Variants in ZFP82 observed in about 807,000 individuals in gnomAD.
ZFP82 encodes zinc finger protein 82 homolog.
A neutral mutation model predicts 54.0 loss-of-function variants in ZFP82; 30 were observed. The ratio of observed to expected loss-of-function variants is 0.56; its 90% CI spans 0.42 to 0.75. The LOEUF is 0.75. Among genes scored for constraint, ZFP82 ranks in the 30% least tolerant of loss-of-function variants. The pLI is 0.00. For synonymous variants in ZFP82, 194 were observed against 209.5 expected (o/e 0.93, Z 0.64); for missense variants, 500 against 636.8 (o/e 0.79, Z 2.31).
chr19:36,408,094 T>C (rs2032515755), intron 2 of ZFP82, 81 bp from the exon 3 acceptor site: 1 of 1,486,412 alleles, frequency 6.7e-7, no homozygotes, highest in Non-Finnish European at 9.2e-7. Context: ...GGAAGAGATA[T>C]TGCAGGAAGT....
chr19:36,403,460 A>G (rs2032427603), intron 4 of ZFP82, among the ~76,000 whole-genome samples: 1 of 151,562 alleles, frequency 6.6e-6, no homozygotes, highest in Non-Finnish European at 1.5e-5. Context: ...CTCTACAAAA[A>G]ATACAAAAAA....
chr19:36,392,883 G>A lies in ZFP82; in HGVS notation c.1457C>T (p.Ala486Val). The change falls in exon 5 of 5, where the codon GCC (alanine) becomes GTC (valine). Residue 486 changes from alanine (A) to valine (V), a missense_variant. Ala to Val is a moderately conservative substitution (Grantham distance 64, BLOSUM62 0). Coordinates refer to ENST00000392161, the MANE Select transcript of ZFP82 (RefSeq NM_133466.4). ...KPFECKECRK[A>V]FRLNSSLIQH... is the part of the protein sequence containing the mutation. ...AATAAGGGATGAATTAAGTCTAAAG[G>A]CCTTCCTACATTCCTTACACTCAAA... The A allele has an allele frequency of 6.2e-7, 1 of 1,613,918 alleles. No homozygotes were observed. The highest frequency in any genetic ancestry group is 8.5e-7 in the Non-Finnish European group (1 of 1,179,962).
chr19:36,396,887 A>T (rs192516396), intron 4 of ZFP82, among the ~76,000 whole-genome samples: 1 of 151,834 alleles, frequency 6.6e-6, no homozygotes, highest in East Asian at 1.9e-4. Flanking sequence ...AAACCTGCAT[A>T]TAAGTATCTA....
rs2032160765 is a variant in ZFP82, at chr19:36,389,596, T to C, written c.*3145A>G. On this transcript the variant is annotated 3_prime_UTR_variant, in exon 5 of 5. Transcript: ENST00000392161. ...TTAAGGACTCATACACATATACCCA[T>C]AATGCCATAGTCATGCCTAACATAT... Among the ~76,000 whole-genome samples, 7 of 152,326 alleles carry C rather than the reference T, an allele frequency of 4.6e-5. No individual in the cohort carries two copies. The South Asian group carries it at 1.4e-3, about 32-fold the overall frequency.
chr19:36,392,860 TA>T lies in ZFP82; in HGVS notation c.1479del (p.Ile494PhefsTer4). The T allele has an allele frequency of 6.2e-7, 1 of 1,613,916 alleles. No homozygotes were observed. Among genetic ancestry groups the T allele is most frequent in the African/African-American group, 1.3e-5 (1 of 75,054 alleles). On this transcript the variant is annotated frameshift_variant, in exon 5 of 5. Coordinates refer to ENST00000392161, the MANE Select transcript of ZFP82 (RefSeq NM_133466.4). LOFTEE classifies it high-confidence loss of function. Reference protein sequence around the residue: ...CRKAFRLNSSLIQHLRIHSGE... With the variant: ...CRKAFRLNSSXIQHLRIHSGE... ...CCAGAATGAATTCTCAGATGTTGAA[TA>T]AGGGATGAATTAAGTCTAAAGGCCT...
At chr19:36,415,196 G>A (rs1023356906) in intron 1 of ZFP82, among the ~76,000 whole-genome samples, 2 of 152,082 alleles carry the variant, frequency 1.3e-5, no homozygotes, top group African/African-American at 4.8e-5. Context: ...TTCTATTTTG[G>A]AAAACAAACA....
chr19:36,392,787 T>C lies in ZFP82; in HGVS notation c.1553A>G (p.His518Arg). 6.3e-7 allele frequency: 1 copy of C among 1,599,334 alleles called. No individual in the cohort carries two copies. Among genetic ancestry groups the C allele is most frequent in the Non-Finnish European group, 8.5e-7 (1 of 1,175,094 alleles). Residue 518 changes from histidine (H) to arginine (R), a missense_variant, in exon 5 of 5, where the codon CAT (histidine) becomes CGT (arginine). Coordinates refer to ENST00000392161, the MANE Select transcript of ZFP82 (RefSeq NM_133466.4). Reference protein sequence around the residue: ...CKECKKAFRQHSHLTHHLKIH... With the variant: ...CKECKKAFRQRSHLTHHLKIH... ...TTTCAGATGATGAGTAAGGTGTGAA[T>C]GTTGCCTAAAGGCCTTCTTACATTC...
intron 4 of ZFP82, among the ~76,000 whole-genome samples, chr19:36,397,283 G>A (rs1045112644): frequency 4.6e-5 from 7 of 151,750 alleles, no homozygotes; most frequent in African/African-American, 1.7e-4. Flanking sequence ...TACTAGAGAC[G>A]GGTTTCATCA....
At chr19:36,406,451 A>G (rs570942587) in intron 3 of ZFP82, among the ~76,000 whole-genome samples, 37 of 152,300 alleles carry the variant, frequency 2.4e-4, no homozygotes, top group Non-Finnish European at 3.4e-4. Context: ...TTTTGTCTCT[A>G]TAGATTTGCC....
intron 4 of ZFP82, among the ~76,000 whole-genome samples, chr19:36,401,598 C>A (rs1033816649): frequency 6.6e-6 from 1 of 152,222 alleles, no homozygotes; most frequent in Non-Finnish European, 1.5e-5. Flanking sequence ...AAACCACCAC[C>A]CTGTCTAACT....
At chr19:36,416,470 T>C (rs1230278032) in intron 1 of ZFP82, among the ~76,000 whole-genome samples, 1 of 152,168 alleles carries the variant, frequency 6.6e-6, no homozygotes, top group Non-Finnish European at 1.5e-5. Flanking sequence ...GAATTCCTGT[T>C]CTATGGCCGG....
At position 36,393,590 on chromosome 19, in the gene ZFP82, A is replaced by G; in HGVS notation, c.750T>C (p.Gly250=). Residue 250 remains glycine, a synonymous_variant, in exon 5 of 5, where the codon GGT becomes GGC. Transcript: ENST00000392161. ...ATTCTTTACATTCATAGGGCTTCTC[A>G]CCAATATGCATTTTCTGATGTACTC... The part of the protein sequence containing the change: ...DLRVHQKMHI[G]EKPYECKECG... 1.2e-6 allele frequency: 2 copies of G among 1,614,108 alleles called. No individual in the cohort carries two copies. The highest frequency in any genetic ancestry group is 8.5e-7 in the Non-Finnish European group (1 of 1,180,020).
exon 2 of ZFP82, chr19:36,383,425 A>AC (rs1292543270): frequency 6.6e-6 from 1 of 152,190 alleles, no homozygotes; most frequent in African/African-American, 2.4e-5. Flanking sequence ...AAAAAAAGTT[A>AC]AACAAGAACT....
At chr19:36,415,665 C>T (rs987480192) in intron 1 of ZFP82, among the ~76,000 whole-genome samples, 9 of 152,120 alleles carry the variant, frequency 5.9e-5, no homozygotes, top group Non-Finnish European at 1.0e-4. Flanking sequence ...AGATTACAGG[C>T]GTGAGCCACT....
chr19:36,400,067 C>T (rs1405536420), intron 4 of ZFP82, among the ~76,000 whole-genome samples: 5 of 152,098 alleles, frequency 3.3e-5, no homozygotes, highest in African/African-American at 9.7e-5. Context: ...ATAAAATATA[C>T]GACCCATTTT....
chr19:36,410,124 G>A (rs956666165), intron 1 of ZFP82, among the ~76,000 whole-genome samples: 7 of 152,152 alleles, frequency 4.6e-5, no homozygotes, highest in Middle Eastern at 3.4e-3. Context: ...AAGTTTCATA[G>A]GCCTGTTTAG....
At chr19:36,411,796 C>T (rs1175041373) in intron 1 of ZFP82, among the ~76,000 whole-genome samples, 3 of 146,630 alleles carry the variant, frequency 2.0e-5, no homozygotes, top group East Asian at 2.0e-4. Context: ...AACCAGGAGG[C>T]GGAGCTTGCA....
chr19:36,413,923 T>C (rs10414054), intron 1 of ZFP82, among the ~76,000 whole-genome samples: 100,962 of 147,944 alleles, frequency 0.68, 34,750 homozygotes, highest in African/African-American at 0.76. Flanking sequence ...TTTTTTGAGA[T>C]GCAGTCTCGC....
At chr19:36,401,060 CT>C (rs3086001) in intron 4 of ZFP82, among the ~76,000 whole-genome samples, 1,673 of 146,624 alleles carry the variant, frequency 0.011, 30 homozygotes, top group African/African-American at 0.037. Flanking sequence ...GCTGCCCCTT[CT>C]TTTTTTTTTT....
Sources: gnomAD v4.1 joint callset for allele counts (sites outside exome capture counted in the v4.1 genomes callset) on GRCh38, gnomAD v4.1.1 for gene constraint, MANE v1.5 for transcripts, NCBI Gene and HGNC (gene_info 2026-07-23, HGNC 2026-07-21) for gene names.